The following PCM1 variants were observed in gnomAD, a reference collection of about 807,000 sequenced individuals.
PCM1 encodes the protein pericentriolar material 1 protein.
PCM1 carries 157 observed loss-of-function variants against 241.9 expected under a neutral mutation model. The observed-to-expected ratio is 0.65, with a 90% CI of 0.57 to 0.74. The LOEUF (loss-of-function observed/expected upper bound fraction) is 0.74, where lower values mean the gene tolerates loss of function less well. Ranked by LOEUF, PCM1 falls within the 30% of genes least tolerant of loss-of-function variation. The pLI, the probability that PCM1 is intolerant of heterozygous loss-of-function variation, is 0.00. For synonymous variants in PCM1, 1,085 were observed against 784.9 expected (o/e 1.38, Z -6.39); for missense variants, 3,478 against 2,360.1 (o/e 1.47, Z -9.81).
chr8:18,000,614 G>GT (rs35485927), intron 29 of PCM1, among the ~76,000 whole-genome samples: 18,657 of 150,290 alleles, frequency 0.12, 1,497 homozygotes, highest in East Asian at 0.38. Flanking sequence ...GAAGAGCTCT[G>GT]TTTTTTTTGA....
intron 16 of PCM1, 55 bp from the exon 17 acceptor site, chr8:17,963,046 T>C: frequency 3.7e-6 from 5 of 1,360,500 alleles, no homozygotes; most frequent in Admixed American, 4.1e-5. Flanking sequence ...TTTTACTCTT[T>C]TAGGCTACAG....
At chr8:18,027,244 G>C (rs1031369503) in intron 38 of PCM1, among the ~76,000 whole-genome samples, 1 of 150,240 alleles carries the variant, frequency 6.7e-6, no homozygotes, top group East Asian at 1.9e-4. Context: ...GCAGCCTCTT[G>C]CAAGTGTTTG....
At chr8:17,929,153 C>T (rs765359021) in intron 2 of PCM1, among the ~76,000 whole-genome samples, 27 of 152,130 alleles carry the variant, frequency 1.8e-4, no homozygotes, top group Non-Finnish European at 3.2e-4. Context: ...CCAAAGTCAA[C>T]AGTAACCTTG....
chr8:17,939,021 T>C lies in PCM1; in HGVS notation c.612+12T>C, dbSNP rs975996927. 1 of 1,612,662 alleles carries C rather than the reference T, an allele frequency of 6.2e-7. No homozygotes were observed. The highest frequency in any genetic ancestry group is 8.5e-7 in the Non-Finnish European group (1 of 1,179,080). ...TGGAGAGCAGCCAGGTGATAACGTTTGTTTCTTTTGCTCATTCTTTACACA... is the reference window on the plus strand; with the variant it reads ...TGGAGAGCAGCCAGGTGATAACGTTCGTTTCTTTTGCTCATTCTTTACACA... On this transcript the variant is annotated intron_variant, in intron 5 of 38. Transcript: ENST00000325083.
intron 23 of PCM1, among the ~76,000 whole-genome samples, chr8:17,974,763 A>C (rs745874645): frequency 6.6e-6 from 1 of 152,034 alleles, no homozygotes; most frequent in Non-Finnish European, 1.5e-5. Context: ...TGTCCTTCAT[A>C]TTGAAGTATA....
In PCM1 at chr8:17,960,413, A is replaced by T; in HGVS notation, c.2291A>T (p.Gln764Leu). Residue 764 changes from glutamine (Q) to leucine (L), a missense_variant, in exon 15 of 39, where the codon CAA becomes CTA. Physicochemically the swap from Gln to Leu is moderately radical, Grantham distance 113. Transcript: ENST00000325083. ...KKLIDIQEKI[Q>L]ALQTACPDLQ... Reference sequence around the variant, plus strand: ...CTGATTGACATTCAGGAGAAAATTCAAGCATTGCAAACGGCATGCCCTGAC... The same window carrying T: ...CTGATTGACATTCAGGAGAAAATTCTAGCATTGCAAACGGCATGCCCTGAC... 1 of 1,604,530 alleles carries T rather than the reference A, an allele frequency of 6.2e-7. No homozygotes were observed. The highest frequency in any genetic ancestry group is 2.2e-5 in the East Asian group (1 of 44,516).
intron 6 of PCM1, among the ~76,000 whole-genome samples, chr8:17,946,913 ATCTTTT>A (rs374664308): frequency 9.4e-5 from 14 of 149,618 alleles, no homozygotes; most frequent in Admixed American, 2.7e-4. Flanking sequence ...TGTTTTGTAT[ATCTTTT>A]TCTTTTCCTT....
intron 6 of PCM1, among the ~76,000 whole-genome samples, chr8:17,940,952 C>T (rs975770079): frequency 5.3e-5 from 8 of 152,046 alleles, no homozygotes; most frequent in Non-Finnish European, 1.2e-4. Context: ...TTGAGGTGTT[C>T]AAAATGCCAT....
chr8:17,933,893 T>C (rs2059712058), intron 2 of PCM1, among the ~76,000 whole-genome samples: 1 of 152,168 alleles, frequency 6.6e-6, no homozygotes, highest in Non-Finnish European at 1.5e-5. Flanking sequence ...ATTTTAAGCA[T>C]AATGTTGACT....
intron 3 of PCM1, 23 bp from the exon 4 acceptor site, chr8:17,937,111 T>G: frequency 6.5e-7 from 1 of 1,527,690 alleles, no homozygotes; most frequent in Non-Finnish European, 8.8e-7. Flanking sequence ...GCCATGTTAA[T>G]TTTTGCTTTT....
Position 18,014,664 on chromosome 8 carries a change from A to G in PCM1, c.5665A>G (p.Lys1889Glu). The change falls in exon 36 of 39, where the codon AAG (lysine) becomes GAG (glutamate). Residue 1889 changes from lysine (K) to glutamate (E), a missense_variant. By Grantham distance (56) the Lys-to-Glu change is moderately conservative. Coordinates refer to ENST00000325083, the MANE Select transcript of PCM1 (RefSeq NM_006197.4). Reference protein sequence around the residue: ...DEQPLNSAAHKESPPTVDSTQ... With the variant: ...DEQPLNSAAHEESPPTVDSTQ... ...GCAACCTTTAAATAGTGCTGCCCAT[A>G]AGGAGTCACCTCCTACTGTTGATTC... is the stretch of plus-strand genomic sequence containing the variant. 1 of 1,613,618 alleles carries G rather than the reference A, an allele frequency of 6.2e-7. No homozygotes were observed. Among genetic ancestry groups the G allele is most frequent in the Non-Finnish European group, 8.5e-7 (1 of 1,179,630 alleles).
chr8:17,981,794 C>A (rs1341306249), intron 24 of PCM1, among the ~76,000 whole-genome samples: 5 of 151,596 alleles, frequency 3.3e-5, no homozygotes, highest in Middle Eastern at 3.5e-3. Context: ...TTTCAGTACT[C>A]ATAAAGGCTC....
At chr8:18,001,252 G>C (rs193029367) in intron 29 of PCM1, among the ~76,000 whole-genome samples, 25 of 152,290 alleles carry the variant, frequency 1.6e-4, no homozygotes, top group East Asian at 9.6e-4. Context: ...AGTCCCTGTT[G>C]TTAAATATTT....
At chr8:17,973,500 C>A (rs978136586) in intron 23 of PCM1, among the ~76,000 whole-genome samples, 1 of 152,020 alleles carries the variant, frequency 6.6e-6, no homozygotes, top group Non-Finnish European at 1.5e-5. Flanking sequence ...AGGTGGATCA[C>A]CTGAGAGCAG....
rs577182484 is a variant in PCM1 at position 17,986,613 on chromosome 8, A to T, written c.4410+526A>T. ...GGAGAAGAGTGCTAAGGAGAATGGT[A>T]TAAATTCAGTAAGCTGTGTCCTCCA... On this transcript the variant is annotated intron_variant, in intron 26 of 38. Transcript: ENST00000325083. Among the ~76,000 whole-genome samples the T allele has an allele frequency of 2.0e-5, 3 of 151,894 alleles. No homozygotes were observed. In the East Asian group the frequency reaches 5.8e-4, roughly 29 times the overall value.
At chr8:17,991,797 C>G (rs965132917) in intron 28 of PCM1, 97 bp downstream of exon 28, 9 of 852,020 alleles carry the variant, frequency 1.1e-5, no homozygotes, top group Admixed American at 2.4e-5. Flanking sequence ...TTTGGTGCAC[C>G]CATCGCCTGA....
intron 24 of PCM1, among the ~76,000 whole-genome samples, chr8:17,984,076 C>G (rs1334442344): frequency 2.6e-5 from 4 of 152,080 alleles, no homozygotes; most frequent in Non-Finnish European, 4.4e-5. Flanking sequence ...AACTTTCCAC[C>G]TCTTGACTGC....
At position 18,009,535 on chromosome 8, in the gene PCM1, A is replaced by G. The variant is rs773175887; in HGVS notation, c.4963-12A>G. The G allele has an allele frequency of 1.9e-6, 3 of 1,557,470 alleles. No homozygotes were observed. Among genetic ancestry groups the G allele is most frequent in the Non-Finnish European group, 2.6e-6 (3 of 1,143,468 alleles). ...ACTGTCTTTAAAAATTATTTGGTTT[A>G]TCTTTGAATAGGATTCACTGGCAAA... On this transcript the variant is annotated splice_polypyrimidine_tract_variant and intron_variant, in intron 30 of 38. Coordinates refer to ENST00000325083, the MANE Select transcript of PCM1 (RefSeq NM_006197.4).
Position 17,955,462 on chromosome 8 carries a change from T to C in PCM1, c.1289-8T>C. On this transcript the variant is annotated splice_region_variant and splice_polypyrimidine_tract_variant and intron_variant, in intron 9 of 38. Coordinates refer to ENST00000325083, the MANE Select transcript of PCM1 (RefSeq NM_006197.4). ...AAAAAAAATTTTTTGTTGTTGTGCC[T>C]TCTTCAGCCTCTCCACAAAGGAGTG... 6.4e-7 allele frequency: 1 copy of C among 1,564,648 alleles called. No individual in the cohort carries two copies. Among genetic ancestry groups the C allele is most frequent in the South Asian group, 1.2e-5 (1 of 82,816 alleles).
Sources: gnomAD v4.1 joint callset for allele counts (sites outside exome capture counted in the v4.1 genomes callset) on GRCh38, gnomAD v4.1.1 for gene constraint, MANE v1.5 for transcripts, NCBI Gene and HGNC (gene_info 2026-07-23, HGNC 2026-07-21) for gene names.